The following NKPD1 variants were observed in gnomAD, a reference collection of about 807,000 sequenced individuals.
NKPD1 encodes NTPase KAP family P-loop domain containing 1, also known as NTPase KAP family P-loop domain-containing protein 1.
NKPD1 carries 37 observed loss-of-function variants against 42.2 expected under a neutral mutation model. That is an observed-to-expected ratio of 0.88 (90% CI 0.67 to 1.15). NKPD1 has a LOEUF of 1.15. Ranked by LOEUF, NKPD1 falls within the 50% of genes most tolerant of loss-of-function variation. NKPD1 has a pLI of 0.00. For missense variants in NKPD1, 1,113 were observed against 1,174.6 expected, an observed-to-expected ratio of 0.95 and a Z score of 0.77; for synonymous variants, 552 against 536.5, an observed-to-expected ratio of 1.03 and a Z score of -0.40.
chr19:45,156,722 G>C (rs1185226097), intron 3 of NKPD1, among the ~76,000 whole-genome samples: 2 of 152,218 alleles, frequency 1.3e-5, no homozygotes, highest in Non-Finnish European at 2.9e-5. Flanking sequence ...CTTGGACCTG[G>C]AAATGGGGTA....
Position 45,153,403 on chromosome 19 carries a change from A to G in NKPD1, c.1034T>C (p.Leu345Pro). Reference sequence around the variant, plus strand: ...CAGGCCCAGCGCCGCCAGCAGCGCCAGCAGCCCCAGGCACACGCGGCGCCG... The same window carrying G: ...CAGGCCCAGCGCCGCCAGCAGCGCCGGCAGCCCCAGGCACACGCGGCGCCG... ...HCRRRVCLGL[L>P]ALLAALGLGV... is the part of the protein sequence containing the mutation. Residue 345 changes from leucine (L) to proline (P), a missense_variant, in exon 5 of 5, where the codon CTG (leucine) becomes CCG (proline). By Grantham distance (98) the Leu-to-Pro change is moderately conservative. Coordinates refer to ENST00000686631, the MANE Select transcript of NKPD1 (RefSeq NM_198478.4). The G allele has an allele frequency of 6.4e-7, 1 of 1,554,632 alleles. No individual in the cohort carries two copies. The highest frequency in any genetic ancestry group is 8.7e-7 in the Non-Finnish European group (1 of 1,153,666).
chr19:45,156,332 C>T (rs1334727419), intron 3 of NKPD1, among the ~76,000 whole-genome samples: 4 of 152,238 alleles, frequency 2.6e-5, no homozygotes, highest in African/African-American at 9.6e-5. Context: ...GCCACTCCTG[C>T]CTGCTCTGCT....
rs1968956530 is a variant in NKPD1, at chr19:45,158,962, G to A, written c.230C>T (p.Pro77Leu). 2 of 1,300,768 alleles carry A rather than the reference G, an allele frequency of 1.5e-6. No individual in the cohort carries two copies. The highest frequency in any genetic ancestry group is 2.5e-5 in the South Asian group (2 of 80,798). 80.6% of individuals were successfully genotyped at this position (1,300,768 alleles called of 1,614,324 possible). A position where few individuals can be genotyped will look rare whatever the true frequency, so the allele number is the denominator to read the frequency against. ...GGSGWRRGLL[P>L]SVLQQQRQPQ... Reference sequence around the variant, plus strand: ...CTGCCGCTGCTGCTGCAGGACGGAGGGCAGGAGGCCCCGGCGCCAGCCACT... The same window carrying A: ...CTGCCGCTGCTGCTGCAGGACGGAGAGCAGGAGGCCCCGGCGCCAGCCACT... The change falls in exon 3 of 5, where the codon CCC (proline) becomes CTC (leucine). Residue 77 changes from proline (P) to leucine (L), a missense_variant. Around this residue, in one of 3 missense-constraint regions of NKPD1, gnomAD observed 204 missense variants for 227.8 expected, o/e 0.90. Transcript: ENST00000686631. The surrounding 1 kb of genome is among the most constrained non-coding windows in gnomAD (Gnocchi z 4.6).
In NKPD1 at chr19:45,152,637, C is replaced by G. The variant is rs1446003538; in HGVS notation, c.1800G>C (p.Ala600=). 6.4e-7 allele frequency: 1 copy of G among 1,564,980 alleles called. No homozygotes were observed. The highest frequency in any genetic ancestry group is 2.4e-5 in the East Asian group (1 of 41,540). The change falls in exon 5 of 5, where the codon GCG becomes GCC. Residue 600 remains alanine, a synonymous_variant. Coordinates refer to ENST00000686631, the MANE Select transcript of NKPD1 (RefSeq NM_198478.4). The stretch of plus-strand genomic sequence containing the variant: ...CGCGCTCGTCGTGAAGGCAGAAGAG[C>G]GCCTCCTGGATTCGCCGCGCCGCCT... The part of the protein sequence containing the change: ...DDEAARRIQE[A]LFCLHDERDC...
chr19:45,160,613 G>A lies in NKPD1; in HGVS notation c.-72+312C>T, dbSNP rs1418500895. The stretch of plus-strand genomic sequence containing the variant: ...TGGAAGGACATGGAGCTAGTGAGGT[G>A]AGCTGGAGAGCAGATGAGAAGCAGG... On this transcript the variant is annotated intron_variant, in intron 1 of 4. Transcript: ENST00000686631. Among the ~76,000 whole-genome samples, 3 of 152,158 alleles carry A rather than the reference G, an allele frequency of 2.0e-5. No individual in the cohort carries two copies. In the East Asian group the frequency reaches 5.8e-4, roughly 29 times the overall value.
At chr19:45,154,680 C>G (rs1399627530) in intron 4 of NKPD1, among the ~76,000 whole-genome samples, 1 of 152,068 alleles carries the variant, frequency 6.6e-6, no homozygotes, top group Non-Finnish European at 1.5e-5. Context: ...CCCCTCTGGC[C>G]CCACGTGGGG....
chr19:45,155,934 G>C lies in NKPD1; in HGVS notation c.530-18C>G, dbSNP rs1417077775. 1.5e-6 allele frequency: 2 copies of C among 1,302,436 alleles called. No individual in the cohort carries two copies. The highest frequency in any genetic ancestry group is 1.5e-5 in the African/African-American group (1 of 65,802). 80.7% of individuals were successfully genotyped at this position (1,302,436 alleles called of 1,614,324 possible). A position where few individuals can be genotyped will look rare whatever the true frequency, so the allele number is the denominator to read the frequency against. On this transcript the variant is annotated intron_variant, in intron 3 of 4. Coordinates refer to ENST00000686631, the MANE Select transcript of NKPD1 (RefSeq NM_198478.4). The stretch of plus-strand genomic sequence containing the variant: ...CAGGATGTCTGGTGGTTGGGAGTGG[G>C]GACACTGAGTCAGGACCACTGGCCA...
Position 45,153,492 on chromosome 19 carries a change from C to A in NKPD1, c.945G>T (p.Val315=), listed in dbSNP as rs1203036020. The part of the protein sequence containing the change: ...RRHYGALPFS[V]YSVLGNKPAT... ...CCGGCTTGTTGCCCAGCACCGAGTA[C>A]ACGCTGAAGGGCAGTGCGCCATAGT... The change falls in exon 5 of 5, where the codon GTG becomes GTT. Residue 315 remains valine, a synonymous_variant. Transcript: ENST00000686631. The A allele has an allele frequency of 1.9e-6, 3 of 1,557,808 alleles. No individual in the cohort carries two copies. The highest frequency in any genetic ancestry group is 2.7e-5 in the African/African-American group (2 of 74,030).
At chr19:45,160,028 G>A (rs1245745441) in intron 2 of NKPD1, 32 bp downstream of exon 2, 26 of 1,226,652 alleles carry the variant, frequency 2.1e-5, no homozygotes, top group African/African-American at 7.8e-5. Flanking sequence ...GGCCTCTGTC[G>A]GCCATCACCC....
rs966461669 is a variant in NKPD1 at position 45,151,647 on chromosome 19, C to T, written c.*291G>A. 1.3e-5 allele frequency: 5 copies of T among 376,052 alleles called. No individual in the cohort carries two copies. Among genetic ancestry groups the T allele is most frequent in the African/African-American group, 1.1e-4 (5 of 47,280 alleles). 23.3% of individuals were successfully genotyped at this position (376,052 alleles called of 1,614,324 possible). A position where few individuals can be genotyped will look rare whatever the true frequency, so the allele number is the denominator to read the frequency against. On this transcript the variant is annotated 3_prime_UTR_variant, in exon 5 of 5. Transcript: ENST00000686631. ...TGTGGCAGGACGGGGCAGGCCTGGTCCCTGGTCAGATCAGGATGCGGAGAG... is the reference window on the plus strand; with the variant it reads ...TGTGGCAGGACGGGGCAGGCCTGGTTCCTGGTCAGATCAGGATGCGGAGAG...
At chr19:45,155,675 G>T in intron 4 of NKPD1, 110 bp downstream of exon 4, 1 of 1,107,004 alleles carries the variant, frequency 9.0e-7, no homozygotes, top group Non-Finnish European at 1.2e-6. Context: ...GGCCTGGGCT[G>T]GGGCAGGCTG....
chr19:45,157,914 A>AG (rs1231646620), intron 3 of NKPD1, among the ~76,000 whole-genome samples: 1 of 151,738 alleles, frequency 6.6e-6, no homozygotes, highest in Non-Finnish European at 1.5e-5. Flanking sequence ...TAGTAGAGAT[A>AG]GGGTTGTACC....
In NKPD1 at chr19:45,152,729, T is replaced by C. The variant is rs1257255376; in HGVS notation, c.1708A>G (p.Ser570Gly). 6.3e-7 allele frequency: 1 copy of C among 1,578,272 alleles called. No homozygotes were observed. Among genetic ancestry groups the C allele is most frequent in the African/African-American group, 1.4e-5 (1 of 73,440 alleles). ...GCCTGCACCGCCAGCAGCTGCGCGCTCTCGCCCCCGGCGTCCCCCGGCAGC... is the reference window on the plus strand; with the variant it reads ...GCCTGCACCGCCAGCAGCTGCGCGCCCTCGCCCCCGGCGTCCCCCGGCAGC... ...PWLPGDAGGE[S>G]AQLLAVQAQA... is the part of the protein sequence containing the mutation. The change falls in exon 5 of 5, where the codon AGC becomes GGC. Residue 570 changes from serine to glycine, a missense_variant. Physicochemically the swap from Ser to Gly is moderately conservative, Grantham distance 56. Transcript: ENST00000686631.
chr19:45,160,016 C>T, intron 2 of NKPD1, 44 bp downstream of exon 2: 6 of 1,144,364 alleles, frequency 5.2e-6, no homozygotes, highest in Non-Finnish European at 7.1e-6. Context: ...GGCTTCCTCA[C>T]AGGCCTCTGT....
In NKPD1 at chr19:45,155,839, C is replaced by G; in HGVS notation, c.607G>C (p.Gly203Arg). Residue 203 changes from glycine to arginine, a missense_variant, in exon 4 of 5, where the codon GGT becomes CGT. This residue lies in a region of NKPD1 where 42 missense variants were observed against 76.7 expected (regional missense o/e 0.55). Coordinates refer to ENST00000686631, the MANE Select transcript of NKPD1 (RefSeq NM_198478.4). ...CGGCAGCCGAAAGGGGCATAGAAAC[C>G]CACGGTCACAGGGACCGGCACGTGG... is the stretch of plus-strand genomic sequence containing the variant. The part of the protein sequence containing the change: ...LCHVPVPVTV[G>R]FYAPFGCRLH... The G allele has an allele frequency of 7.7e-7, 1 of 1,305,418 alleles. No homozygotes were observed. The highest frequency in any genetic ancestry group is 1.0e-6 in the Non-Finnish European group (1 of 988,926). 80.9% of individuals were successfully genotyped at this position (1,305,418 alleles called of 1,614,324 possible).
intron 3 of NKPD1, among the ~76,000 whole-genome samples, chr19:45,156,400 A>G (rs1968903688): frequency 6.6e-6 from 1 of 152,080 alleles, no homozygotes; most frequent in Non-Finnish European, 1.5e-5. Context: ...CGTCCTGTCC[A>G]TCATGCTGGC....
chr19:45,158,904 C>T lies in NKPD1; in HGVS notation c.288G>A (p.Leu96=), dbSNP rs1042853689. The T allele has an allele frequency of 7.7e-7, 1 of 1,293,606 alleles. No individual in the cohort carries two copies. The highest frequency in any genetic ancestry group is 1.5e-5 in the African/African-American group (1 of 65,378). 80.1% of individuals were successfully genotyped at this position (1,293,606 alleles called of 1,614,324 possible). ...PQSQPSPPSP[L]RQRLCPIHEA... is the part of the protein sequence containing the mutation. The stretch of plus-strand genomic sequence containing the variant: ...CGTGAATGGGGCAGAGCCGCTGCCG[C>T]AGGGGGCTGGGAGGTGAGGGCTGGG... Residue 96 remains leucine, a synonymous_variant, in exon 3 of 5, where the codon CTG becomes CTA. Transcript: ENST00000686631. This position sits in a 1 kb window ranked among gnomAD's most constrained non-coding sequence, Gnocchi z 4.6.
In NKPD1 at chr19:45,158,683, G is replaced by C. The variant is rs1968947482; in HGVS notation, c.509C>G (p.Ser170Cys). 1 of 1,180,562 alleles carries C rather than the reference G, an allele frequency of 8.5e-7. No homozygotes were observed. The highest frequency in any genetic ancestry group is 1.6e-5 in the African/African-American group (1 of 61,052). 73.1% of individuals were successfully genotyped at this position (1,180,562 alleles called of 1,614,324 possible). A position where few individuals can be genotyped will look rare whatever the true frequency, so the allele number is the denominator to read the frequency against. ...RPLPAPAACGSFTAYSSDILT... is the reference protein window; with the variant it reads ...RPLPAPAACGCFTAYSSDILT... ...AGCACCGGAGCTGTAGGCAGTGAAG[G>C]AGCCACAGGCCGCTGGGGCGGGCAG... The change falls in exon 3 of 5, where the codon TCC becomes TGC. Residue 170 changes from serine to cysteine, a missense_variant. By Grantham distance (112) the Ser-to-Cys change is moderately radical (BLOSUM62 -1). This residue lies in a region of NKPD1 where 204 missense variants were observed against 227.8 expected (regional missense o/e 0.90). Coordinates refer to ENST00000686631, the MANE Select transcript of NKPD1 (RefSeq NM_198478.4). The surrounding 1 kb of genome is among the most constrained non-coding windows in gnomAD (Gnocchi z 4.6).
chr19:45,158,826 G>A lies in NKPD1; in HGVS notation c.366C>T (p.Ser122=), dbSNP rs562318320. The change falls in exon 3 of 5, where the codon AGC becomes AGT. Residue 122 remains serine, a synonymous_variant. Coordinates refer to ENST00000686631, the MANE Select transcript of NKPD1 (RefSeq NM_198478.4). This position sits in a 1 kb window ranked among gnomAD's most constrained non-coding sequence, Gnocchi z 4.6. ...TGGGTAAGGTGGGCGCCTGAGGGGC[G>A]CTGGCAGGTTCCTTGGGGACAGTGG... ...ATSTVPKEPA[S]APQAPTLPTT... 1.6e-4 allele frequency: 205 copies of A among 1,277,674 alleles called. No individual in the cohort carries two copies. Among genetic ancestry groups the A allele is most frequent in the Non-Finnish European group, 1.9e-4 (183 of 975,988 alleles). The allele number at this position is 1,277,674 out of a possible 1,614,324, so 79.1% of individuals were successfully genotyped here. A position where few individuals can be genotyped will look rare whatever the true frequency, so the allele number is the denominator to read the frequency against.
Sources: allele counts gnomAD v4.1 joint callset (sites outside exome capture counted in the v4.1 genomes callset), GRCh38; gene constraint gnomAD v4.1.1; regional missense constraint gnomAD v4.1.1; non-coding constraint Gnocchi (gnomAD v3.1); transcripts MANE v1.5; gene names NCBI Gene and HGNC (gene_info 2026-07-23, HGNC 2026-07-21).